Variants in WDR73 observed in about 807,000 individuals in gnomAD.
The protein encoded by WDR73 is integrator complex assembly factor WDR73.
Under a neutral mutation model 38.2 loss-of-function variants are expected in WDR73, and 30 were observed. That is an observed-to-expected ratio of 0.79 (90% confidence interval 0.59 to 1.06). The LOEUF is 1.06. WDR73 is among the 50% of genes least tolerant of loss of function. The pLI is 0.00. For missense variants in WDR73, 487 were observed against 467.0 expected, an observed-to-expected ratio of 1.04 and a Z score of -0.40; for synonymous variants, 197 against 176.0, an observed-to-expected ratio of 1.12 and a Z score of -0.94.
chr15:84,653,791 C>T (rs1313960835), intron 1 of WDR73, 92 bp from the exon 2 acceptor site: 5 of 1,001,362 alleles, frequency 5.0e-6, no homozygotes, highest in Non-Finnish European at 6.2e-6. Context: ...GTGGCCCAAA[C>T]TCTGGAGTCA....
Position 84,648,527 on chromosome 15 carries a change from T to C in WDR73, c.287+10A>G, listed in dbSNP as rs899540247. On this transcript the variant is annotated intron_variant, in intron 4 of 7. Coordinates refer to ENST00000434634, the MANE Select transcript of WDR73 (RefSeq NM_032856.5). Reference sequence around the variant, plus strand: ...CTGTGTGGATGGCTGGATCACAAAATTGACCATACCTGGTATGTGGCACAT... The same window carrying C: ...CTGTGTGGATGGCTGGATCACAAAACTGACCATACCTGGTATGTGGCACAT... 2.1e-5 allele frequency: 34 copies of C among 1,607,686 alleles called. No homozygotes were observed. The highest frequency in any genetic ancestry group is 2.6e-5 in the Non-Finnish European group (31 of 1,174,378).
intron 7 of WDR73, 106 bp downstream of exon 7, chr15:84,645,365 T>G (rs773089297): frequency 4.9e-5 from 76 of 1,553,578 alleles, no homozygotes; most frequent in Non-Finnish European, 6.4e-5. Context: ...CAACTTTAAC[T>G]CCTGGAGCCA....
In WDR73 at chr15:84,653,715, A is replaced by G. The variant is rs990091514; in HGVS notation, c.42-16T>C. The G allele has an allele frequency of 6.4e-7, 1 of 1,571,926 alleles. No homozygotes were observed. Among genetic ancestry groups the G allele is most frequent in the Non-Finnish European group, 8.7e-7 (1 of 1,155,458 alleles). ...ATCCTGGTACCTGCACAAAAGGGAC[A>G]CAGAATCACACGATGCACAGCACTT... On this transcript the variant is annotated splice_polypyrimidine_tract_variant and intron_variant, in intron 1 of 7. Coordinates refer to ENST00000434634, the MANE Select transcript of WDR73 (RefSeq NM_032856.5).
intron 2 of WDR73, chr15:84,653,133 C>T (rs1896675169): frequency 4.5e-6 from 1 of 222,712 alleles, no homozygotes; most frequent in African/African-American, 2.3e-5. Flanking sequence ...AGGTTAGTCT[C>T]AAATTCCTGG....
chr15:84,652,535 G>A (rs997252607), intron 3 of WDR73, among the ~76,000 whole-genome samples, 179 bp downstream of exon 3: 1 of 152,158 alleles, frequency 6.6e-6, no homozygotes, highest in African/African-American at 2.4e-5. Flanking sequence ...TAAACCACGA[G>A]ACATTCTACA....
chr15:84,646,185 T>G lies in WDR73; in HGVS notation c.516A>C (p.Ser172=). ...DLESRKTTYT[S]DVSDSEELSS... is the part of the protein sequence containing the mutation. ...GCAAGGGACAAAGTACCACGGTACCTGAGGTGTACGTGGTCTTCCGGGACT... is the reference window on the plus strand; with the variant it reads ...GCAAGGGACAAAGTACCACGGTACCGGAGGTGTACGTGGTCTTCCGGGACT... The change falls in exon 6 of 8, where the codon TCA becomes TCC. Residue 172 remains serine (S), a splice_region_variant and synonymous_variant. Coordinates refer to ENST00000434634, the MANE Select transcript of WDR73 (RefSeq NM_032856.5). 1 of 1,613,630 alleles carries G rather than the reference T, an allele frequency of 6.2e-7. No individual in the cohort carries two copies. Among genetic ancestry groups the G allele is most frequent in the African/African-American group, 1.3e-5 (1 of 75,040 alleles).
chr15:84,646,133 G>T (rs1478589689), intron 6 of WDR73, 51 bp downstream of exon 6: 4 of 1,609,948 alleles, frequency 2.5e-6, no homozygotes, highest in East Asian at 4.5e-5. Context: ...GAGTTGGGCT[G>T]GGGGGTGATG....
chr15:84,651,270 T>C (rs999721811), intron 3 of WDR73, among the ~76,000 whole-genome samples: 9 of 150,190 alleles, frequency 6.0e-5, no homozygotes, highest in African/African-American at 2.2e-4. Flanking sequence ...ACAAAAAAAT[T>C]TAACAATTAG....
At position 84,645,275 on chromosome 15, in the gene WDR73, C is replaced by T. The variant is rs1303687441; in HGVS notation, c.883+196G>A. 4.0e-6 allele frequency: 6 copies of T among 1,486,292 alleles called. No homozygotes were observed. In the South Asian group the frequency reaches 6.2e-5, roughly 15 times the overall value. The allele number at this position is 1,486,292 out of a possible 1,614,324, so 92.1% of individuals were successfully genotyped here. On this transcript the variant is annotated intron_variant, in intron 7 of 7. Transcript: ENST00000434634. ...CTGCTAGGCTAGGAAAGGCCTGCTGCCAATGTGTGGAAGTTTAGTAGCCAG... is the reference window on the plus strand; with the variant it reads ...CTGCTAGGCTAGGAAAGGCCTGCTGTCAATGTGTGGAAGTTTAGTAGCCAG...
chr15:84,639,427 A>G lies in WDR73; in HGVS notation c.*4043T>C, dbSNP rs138558723. ...CCAGAATTAAAAAAAAAAAATTACT[A>G]TCTCCTCTCCCTGGCATATAAAATG... is the stretch of plus-strand genomic sequence containing the variant. On this transcript the variant is annotated 3_prime_UTR_variant, in exon 8 of 8. Coordinates refer to ENST00000434634, the MANE Select transcript of WDR73 (RefSeq NM_032856.5). The G allele has an allele frequency of 3.7e-4, 57 of 152,156 alleles. No individual in the cohort carries two copies. Among genetic ancestry groups the G allele is most frequent in the African/African-American group, 1.3e-3 (55 of 41,526 alleles). The allele number at this position is 152,156 out of a possible 1,614,324, so 9.4% of individuals were successfully genotyped here.
At position 84,643,482 on chromosome 15, in the gene WDR73, A is replaced by C. The variant is rs1348379316; in HGVS notation, c.1125T>G (p.Cys375Trp). The change falls in exon 8 of 8, where the codon TGT (cysteine) becomes TGG (tryptophan). Residue 375 changes from cysteine to tryptophan, a missense_variant. Physicochemically the swap from Cys to Trp is radical, Grantham distance 215. Transcript: ENST00000434634. ...AAAGATGCTGGTGTCAGCGGGGGGC[A>C]CAAAGGTCCACCCAGTCCCACACAT... ...SLHVWDWVDL[C>W]APR The C allele has an allele frequency of 6.4e-7, 1 of 1,557,090 alleles. No homozygotes were observed. The highest frequency in any genetic ancestry group is 8.7e-7 in the Non-Finnish European group (1 of 1,150,082).
At chr15:84,648,775 T>A (rs149999161) in intron 3 of WDR73, 150 bp from the exon 4 acceptor site, 269 of 655,734 alleles carry the variant, frequency 4.1e-4, no homozygotes, top group Non-Finnish European at 6.4e-4. Flanking sequence ...TATTTGGCAA[T>A]GTTGGTCTCA....
In WDR73 at chr15:84,641,046, A is replaced by G. The variant is rs1226084040; in HGVS notation, c.*2424T>C. On this transcript the variant is annotated 3_prime_UTR_variant, in exon 8 of 8. Coordinates refer to ENST00000434634, the MANE Select transcript of WDR73 (RefSeq NM_032856.5). ...CATTAAACTTTCTCTTCTGGGAACT[A>G]GACCTTCTTGAGAGGCACTATCATT... The G allele has an allele frequency of 1.3e-5, 2 of 152,240 alleles. No individual in the cohort carries two copies. Among genetic ancestry groups the G allele is most frequent in the African/African-American group, 4.8e-5 (2 of 41,452 alleles). 9.4% of individuals were successfully genotyped at this position (152,240 alleles called of 1,614,324 possible).
chr15:84,646,413 C>A, intron 5 of WDR73, 65 bp from the exon 6 acceptor site: 4 of 1,552,184 alleles, frequency 2.6e-6, no homozygotes, highest in South Asian at 2.4e-5. Context: ...GACAGGCTGC[C>A]AGCTGTCTTC....
Position 84,646,350 on chromosome 15 carries a change from T to C in WDR73, c.353-2A>G, listed in dbSNP as rs1200966616. The C allele has an allele frequency of 6.2e-7, 1 of 1,602,660 alleles. No individual in the cohort carries two copies. Among genetic ancestry groups the C allele is most frequent in the East Asian group, 2.2e-5 (1 of 44,594 alleles). On this transcript the variant is annotated splice_acceptor_variant, in intron 5 of 7. Coordinates refer to ENST00000434634, the MANE Select transcript of WDR73 (RefSeq NM_032856.5). LOFTEE classifies it high-confidence loss of function. Reference sequence around the variant, plus strand: ...TGGTGCTGACAGCTTTAATGACATCTAGGGGAAAACGAAGAGGCCAAAATC... The same window carrying C: ...TGGTGCTGACAGCTTTAATGACATCCAGGGGAAAACGAAGAGGCCAAAATC...
rs34069323 is a variant in WDR73, at chr15:84,644,014, T to C, written c.884-291A>G. 2,358 of 319,500 alleles carry C rather than the reference T, an allele frequency of 7.4e-3. 18 individuals are homozygous for C. Among genetic ancestry groups the C allele is most frequent in the South Asian group, 0.013 (392 of 29,368 alleles). 19.8% of individuals were successfully genotyped at this position (319,500 alleles called of 1,614,324 possible). A position where few individuals can be genotyped will look rare whatever the true frequency, so the allele number is the denominator to read the frequency against. ...GGCAAGTAGCATCTGCCCTCAGTGT[T>C]GGCAGCTGATGACTCCGTGGGGCAT... On this transcript the variant is annotated intron_variant, in intron 7 of 7. Transcript: ENST00000434634.
In WDR73 at chr15:84,640,945, C is replaced by G. The variant is rs951811242; in HGVS notation, c.*2525G>C. 7 of 152,108 alleles carry G rather than the reference C, an allele frequency of 4.6e-5. No individual in the cohort carries two copies. Among genetic ancestry groups the G allele is most frequent in the African/African-American group, 1.7e-4 (7 of 41,384 alleles). The allele number at this position is 152,108 out of a possible 1,614,324, so 9.4% of individuals were successfully genotyped here. On this transcript the variant is annotated 3_prime_UTR_variant, in exon 8 of 8. Transcript: ENST00000434634. The stretch of plus-strand genomic sequence containing the variant: ...GGCAAACGTTAGTTTTCATTATCAT[C>G]ATCATTATAATTATTATGAAAATAG...
chr15:84,646,390 A>C, intron 5 of WDR73, 42 bp from the exon 6 acceptor site: 2 of 1,581,858 alleles, frequency 1.3e-6, no homozygotes. Context: ...ACTTTAATGA[A>C]GGTTTGAAAC....
At position 84,645,674 on chromosome 15, in the gene WDR73, C is replaced by T. The variant is rs765545390; in HGVS notation, c.680G>A (p.Cys227Tyr). 7.5e-6 allele frequency: 12 copies of T among 1,608,728 alleles called. No homozygotes were observed. In the South Asian group the frequency reaches 1.2e-4, roughly 16 times the overall value. ...CTGGCCCCAGCTCCCAACTTCAGCA[C>T]ACCATCTCTCTCCACCAGACCCAGG... Reference protein sequence around the residue: ...PGPGSGGERWCAEVGSWGQGP... With the variant: ...PGPGSGGERWYAEVGSWGQGP... The change falls in exon 7 of 8, where the codon TGT (cysteine) becomes TAT (tyrosine). Residue 227 changes from cysteine (C) to tyrosine (Y), a missense_variant. By Grantham distance (194) the Cys-to-Tyr change is radical. Transcript: ENST00000434634.
Sources: gnomAD v4.1 joint callset for allele counts (sites outside exome capture counted in the v4.1 genomes callset) on GRCh38, gnomAD v4.1.1 for gene constraint, MANE v1.5 for transcripts, NCBI Gene and HGNC (gene_info 2026-07-23, HGNC 2026-07-21) for gene names.